KAZN: variants seen among roughly 807,000 people sequenced by gnomAD.
The protein encoded by KAZN is kazrin, periplakin interacting protein, also known as kazrin.
A neutral mutation model predicts 87.4 loss-of-function variants in KAZN; 40 were observed. That is an observed-to-expected ratio of 0.46 (90% CI 0.36 to 0.60). KAZN has a LOEUF of 0.60. Ranked by LOEUF, KAZN falls within the 20% of genes least tolerant of loss-of-function variation. KAZN has a pLI of 0.00. For missense variants in KAZN, 898 were observed against 1,073.9 expected (o/e 0.84, Z 2.29); for synonymous variants, 466 against 458.3 (o/e 1.02, Z -0.22).
chr1:14,530,220 C>T (rs1357914169), intron 2 of KAZN, among the ~76,000 whole-genome samples: 3 of 152,106 alleles, frequency 2.0e-5, no homozygotes, highest in East Asian at 1.9e-4. Context: ...GAAGAGAAAA[C>T]GGGAGCAGGA....
chr1:14,453,937 T>TA, intron 2 of KAZN, among the ~76,000 whole-genome samples: 1 of 152,308 alleles, frequency 6.6e-6, no homozygotes, highest in African/African-American at 2.4e-5. Context: ...CATCTTCTAT[T>TA]ACCATATTCA....
chr1:14,666,002 G>T (rs975454879), intron 1 of KAZN, among the ~76,000 whole-genome samples: 3 of 150,210 alleles, frequency 2.0e-5, no homozygotes, highest in African/African-American at 7.4e-5. Flanking sequence ...TCGGAGATGA[G>T]TTGAGCTGAG....
At chr1:14,811,553 G>A (rs1018955287) in intron 1 of KAZN, among the ~76,000 whole-genome samples, 10 of 152,166 alleles carry the variant, frequency 6.6e-5, no homozygotes. Flanking sequence ...TATTTTCAGT[G>A]CTTTACAGTT....
intron 2 of KAZN, among the ~76,000 whole-genome samples, chr1:14,372,070 A>G (rs1223103775): frequency 6.6e-6 from 1 of 152,242 alleles, no homozygotes; most frequent in Non-Finnish European, 1.5e-5. Context: ...ATTTTGGTAG[A>G]TCTGAACAGA....
At chr1:14,132,248 C>T (rs1474814394) in intron 1 of KAZN, among the ~76,000 whole-genome samples, 1 of 152,182 alleles carries the variant, frequency 6.6e-6, no homozygotes, top group Non-Finnish European at 1.5e-5. Flanking sequence ...CTCCCTTCCA[C>T]CTCCCCACTC....
At chr1:14,998,153 G>A (rs1380628968) in intron 2 of KAZN, among the ~76,000 whole-genome samples, 3 of 152,182 alleles carry the variant, frequency 2.0e-5, no homozygotes, top group Non-Finnish European at 4.4e-5. Context: ...AGACGGCGGG[G>A]GGGAGGGGCA....
chr1:14,397,005 T>C (rs971275364), intron 2 of KAZN, among the ~76,000 whole-genome samples: 1 of 152,218 alleles, frequency 6.6e-6, no homozygotes, highest in Non-Finnish European at 1.5e-5. Flanking sequence ...CCTTCAGTGA[T>C]GTCCATGACT....
chr1:13,937,856 G>C (rs980824470), intron 1 of KAZN, among the ~76,000 whole-genome samples: 1 of 151,932 alleles, frequency 6.6e-6, no homozygotes, highest in Non-Finnish European at 1.5e-5. Flanking sequence ...TGTATTTCTG[G>C]GTTCTCTATT....
chr1:14,536,037 T>G (rs1217887175), intron 2 of KAZN, among the ~76,000 whole-genome samples: 1 of 152,232 alleles, frequency 6.6e-6, no homozygotes, highest in Non-Finnish European at 1.5e-5. Flanking sequence ...GACTCCCTAA[T>G]TACTGGAGCA....
At chr1:14,608,830 T>C (rs640109) in intron 1 of KAZN, among the ~76,000 whole-genome samples, 125,412 of 152,288 alleles carry the variant, frequency 0.82, 51,983 homozygotes, top group African/African-American at 0.91. Flanking sequence ...ATTCGTTCAT[T>C]TTCCTTGATT....
intron 1 of KAZN, among the ~76,000 whole-genome samples, chr1:13,944,083 G>A (rs1272312297): frequency 1.3e-5 from 2 of 152,226 alleles, no homozygotes; most frequent in African/African-American, 2.4e-5. Flanking sequence ...GATGCTCATA[G>A]CTGCCTTGTT....
chr1:14,999,494 G>GCCCCCCCCC (rs1425034118), intron 2 of KAZN, among the ~76,000 whole-genome samples: 6 of 132,776 alleles, frequency 4.5e-5, no homozygotes, highest in African/African-American at 1.5e-4. Context: ...GGCATTGCCT[G>GCCCCCCCCC]CCCCCCTCCC....
intron 1 of KAZN, among the ~76,000 whole-genome samples, chr1:14,047,052 T>A (rs1050252252): frequency 6.6e-6 from 1 of 152,204 alleles, no homozygotes; most frequent in Non-Finnish European, 1.5e-5. Flanking sequence ...TGTCCACCCA[T>A]CTGTCCATCT....
chr1:14,917,371 AG>A (rs1227987668), intron 1 of KAZN, among the ~76,000 whole-genome samples: 3 of 152,184 alleles, frequency 2.0e-5, no homozygotes, highest in Non-Finnish European at 4.4e-5. Context: ...AAGGCGGCCC[AG>A]GGGCTGCCAA....
In KAZN at chr1:14,670,240, C is replaced by T. The variant is rs61013595; in HGVS notation, c.226+71017C>T. Among the ~76,000 whole-genome samples the T allele has an allele frequency of 6.1e-3, 924 of 152,220 alleles. 9 individuals are homozygous for T. The highest frequency in any genetic ancestry group is 0.021 in the African/African-American group (855 of 41,536). On this transcript the variant is annotated intron_variant, in intron 1 of 14. Coordinates refer to ENST00000376030, the MANE Select transcript of KAZN (RefSeq NM_201628.3). ...CAAGATAGTTCATCTTTACCAGCCC[C>T]AGAGGTGCAAGCCCACCTCCTGAAG... is the stretch of plus-strand genomic sequence containing the variant.
chr1:13,995,279 C>A, intron 1 of KAZN, among the ~76,000 whole-genome samples: 1 of 149,862 alleles, frequency 6.7e-6, no homozygotes, highest in South Asian at 2.1e-4. Flanking sequence ...TTGCAGATGA[C>A]CATGATTGTG....
At chr1:14,899,882 G>T (rs1655668066) in intron 1 of KAZN, among the ~76,000 whole-genome samples, 1 of 152,236 alleles carries the variant, frequency 6.6e-6, no homozygotes, top group Non-Finnish European at 1.5e-5. Context: ...CAGAGTGGCA[G>T]GTTCCTATCG....
chr1:14,563,385 A>G (rs1262523868), intron 2 of KAZN, among the ~76,000 whole-genome samples: 1 of 152,186 alleles, frequency 6.6e-6, no homozygotes, highest in Admixed American at 6.5e-5. Flanking sequence ...GTATAAACCC[A>G]TAACCCAAGG....
chr1:15,072,239 C>T (rs1385141516), intron 8 of KAZN, among the ~76,000 whole-genome samples: 4 of 152,210 alleles, frequency 2.6e-5, no homozygotes, highest in African/African-American at 9.6e-5. Context: ...GATTACTATT[C>T]TCTGTGATTT....
Sources: gnomAD v4.1 joint callset for allele counts (sites outside exome capture counted in the v4.1 genomes callset) on GRCh38, gnomAD v4.1.1 for gene constraint, MANE v1.5 for transcripts, NCBI Gene and HGNC (gene_info 2026-07-23, HGNC 2026-07-21) for gene names.